The following ZNRF1 variants were observed in gnomAD, a reference collection of about 807,000 sequenced individuals.
ZNRF1 encodes the protein zinc and ring finger 1.
Under a neutral mutation model 18.4 loss-of-function variants are expected in ZNRF1, and 3 were observed. That is an observed-to-expected ratio of 0.16 (90% CI 0.07 to 0.42). ZNRF1 has a LOEUF of 0.42. ZNRF1 is among the 10% of genes least tolerant of loss of function. ZNRF1 has a pLI of 0.99. For missense variants in ZNRF1, 310 were observed against 329.8 expected (o/e 0.94, Z 0.47); for synonymous variants, 157 against 144.2 (o/e 1.09, Z -0.64).
chr16:75,045,813 T>C (rs548548424), intron 1 of ZNRF1, among the ~76,000 whole-genome samples: 2 of 151,386 alleles, frequency 1.3e-5, no homozygotes, highest in East Asian at 1.9e-4. Context: ...ATTCCTGGGC[T>C]CAAGTGATCC....
chr16:75,105,013 G>T, intron 3 of ZNRF1, 124 bp downstream of exon 3: 1 of 780,678 alleles, frequency 1.3e-6, no homozygotes, highest in Non-Finnish European at 2.1e-6. Context: ...GCTCCGAGCG[G>T]GTAAGGGCAG....
chr16:75,100,525 G>A (rs1377127154), intron 2 of ZNRF1, among the ~76,000 whole-genome samples: 1 of 152,202 alleles, frequency 6.6e-6, no homozygotes, highest in East Asian at 1.9e-4. Flanking sequence ...GGGGCGATGA[G>A]GGAGACCACA....
intron 1 of ZNRF1, among the ~76,000 whole-genome samples, chr16:75,087,594 G>A (rs1437585482): frequency 6.6e-6 from 1 of 152,226 alleles, no homozygotes; most frequent in Non-Finnish European, 1.5e-5. Context: ...GAGGGATCCT[G>A]TAGGCGCATT....
intron 1 of ZNRF1, among the ~76,000 whole-genome samples, chr16:75,059,229 C>CTTTTTTTTTTTT (rs35291578): frequency 6.3e-4 from 59 of 92,916 alleles, no homozygotes; most frequent in African/African-American, 1.2e-3. Context: ...TTCTTTCTTT[C>CTTTTTTTTTTTT]TTTTTTTTTT....
rs574836460 is a variant in ZNRF1, at chr16:75,109,646, G to T, written c.*1946G>T. Reference sequence around the variant, plus strand: ...GCTGTTGTGAGTCGGTGGCAGGAACGTGGGCTCTAGACTGTGCATTCAGGC... The same window carrying T: ...GCTGTTGTGAGTCGGTGGCAGGAACTTGGGCTCTAGACTGTGCATTCAGGC... On this transcript the variant is annotated 3_prime_UTR_variant, in exon 5 of 5. Transcript: ENST00000335325. 4 of 152,634 alleles carry T rather than the reference G, an allele frequency of 2.6e-5. No individual in the cohort carries two copies. The highest frequency in any genetic ancestry group is 9.6e-5 in the African/African-American group (4 of 41,586). 9.5% of individuals were successfully genotyped at this position (152,634 alleles called of 1,614,324 possible). A position where few individuals can be genotyped will look rare whatever the true frequency, so the allele number is the denominator to read the frequency against.
chr16:75,018,925 G>A (rs946007600), intron 1 of ZNRF1, among the ~76,000 whole-genome samples: 2 of 152,116 alleles, frequency 1.3e-5, no homozygotes, highest in Non-Finnish European at 2.9e-5. Context: ...CAGCACTTTG[G>A]GAGGCTGAGG....
At chr16:75,004,759 C>T (rs909666572) in intron 1 of ZNRF1, among the ~76,000 whole-genome samples, 8 of 152,006 alleles carry the variant, frequency 5.3e-5, no homozygotes, top group African/African-American at 1.2e-4. Flanking sequence ...GACTCAGGTG[C>T]GCACCACTAC....
At chr16:75,066,849 A>G (rs994751377) in intron 1 of ZNRF1, among the ~76,000 whole-genome samples, 45 of 152,148 alleles carry the variant, frequency 3.0e-4, no homozygotes, top group African/African-American at 1.1e-3. Flanking sequence ...TCGTTGACTT[A>G]GAAATTCAGG....
intron 1 of ZNRF1, among the ~76,000 whole-genome samples, chr16:75,072,872 C>T (rs2035886590): frequency 6.6e-6 from 1 of 152,184 alleles, no homozygotes; most frequent in Admixed American, 6.5e-5. Flanking sequence ...ATGAAGGCCT[C>T]CATTTGAGCC....
intron 1 of ZNRF1, among the ~76,000 whole-genome samples, chr16:75,041,633 A>G (rs2035448134): frequency 6.6e-6 from 1 of 152,012 alleles, no homozygotes; most frequent in South Asian, 2.1e-4. Flanking sequence ...CCCAGTCCTC[A>G]CTGTGATTTT....
At chr16:75,044,621 A>G (rs1041594821) in intron 1 of ZNRF1, among the ~76,000 whole-genome samples, 2 of 152,020 alleles carry the variant, frequency 1.3e-5, no homozygotes, top group African/African-American at 4.8e-5. Context: ...CTGCCTCATA[A>G]AGTGCTGGGA....
At chr16:75,024,094 T>C (rs1310691859) in intron 1 of ZNRF1, among the ~76,000 whole-genome samples, 3 of 152,096 alleles carry the variant, frequency 2.0e-5, no homozygotes, top group African/African-American at 7.2e-5. Context: ...GGTCTCGAAC[T>C]CCTGACCTCA....
At chr16:75,050,590 C>T (rs1049807003) in intron 1 of ZNRF1, among the ~76,000 whole-genome samples, 10 of 151,470 alleles carry the variant, frequency 6.6e-5, no homozygotes, top group South Asian at 4.2e-4. Flanking sequence ...TTGTAGCCGC[C>T]GGGCACGGTG....
At chr16:75,083,913 A>G (rs2036043855) in intron 1 of ZNRF1, among the ~76,000 whole-genome samples, 1 of 152,232 alleles carries the variant, frequency 6.6e-6, no homozygotes, top group Non-Finnish European at 1.5e-5. Context: ...AGGACTGGCC[A>G]GGACTAGCTT....
chr16:75,088,910 G>A (rs528634767), intron 1 of ZNRF1, among the ~76,000 whole-genome samples: 1 of 152,304 alleles, frequency 6.6e-6, no homozygotes, highest in Admixed American at 6.5e-5. Flanking sequence ...AGTATGGAAA[G>A]TGCCAGTCGT....
Position 75,076,464 on chromosome 16 carries a change from T to C in ZNRF1, c.425-17108T>C, listed in dbSNP as rs550152744. 2.0e-5 allele frequency among the ~76,000 whole-genome samples: 3 copies of C among 152,200 alleles called. No homozygotes were observed. The South Asian group carries it at 6.2e-4, about 32-fold the overall frequency. On this transcript the variant is annotated intron_variant, in intron 1 of 4. Coordinates refer to ENST00000335325, the MANE Select transcript of ZNRF1 (RefSeq NM_032268.5). Reference sequence around the variant, plus strand: ...CCTCCTCTTTTCTTCTCTTCCCTAATGGGTCATCCCTTCACTGAGGGGAGA... The same window carrying C: ...CCTCCTCTTTTCTTCTCTTCCCTAACGGGTCATCCCTTCACTGAGGGGAGA...
At chr16:75,085,243 CACAG>C (rs1275283522) in intron 1 of ZNRF1, among the ~76,000 whole-genome samples, 2 of 152,172 alleles carry the variant, frequency 1.3e-5, no homozygotes, top group Non-Finnish European at 2.9e-5. Context: ...TGATTTCTTC[CACAG>C]TAGATTAATT....
At chr16:75,040,101 G>C (rs748987571) in intron 1 of ZNRF1, among the ~76,000 whole-genome samples, 1 of 129,336 alleles carries the variant, frequency 7.7e-6, no homozygotes, top group African/African-American at 3.1e-5. Flanking sequence ...CTACAGTACA[G>C]TGGCATGGTC....
intron 1 of ZNRF1, among the ~76,000 whole-genome samples, chr16:75,051,816 C>T (rs1292970706): frequency 6.6e-6 from 1 of 152,140 alleles, no homozygotes; most frequent in Non-Finnish European, 1.5e-5. Context: ...GCACACAGCC[C>T]ATCTTTTTTT....
Sources: gnomAD v4.1 joint callset for allele counts (sites outside exome capture counted in the v4.1 genomes callset) on GRCh38, gnomAD v4.1.1 for gene constraint, MANE v1.5 for transcripts, NCBI Gene and HGNC (gene_info 2026-07-23, HGNC 2026-07-21) for gene names.